LRRC3B: variants seen among roughly 807,000 people sequenced by gnomAD.
The protein encoded by LRRC3B is leucine rich repeat containing 3B.
Under a neutral mutation model 12.8 loss-of-function variants are expected in LRRC3B, and 2 were observed. The observed-to-expected ratio is 0.16, with a 90% CI of 0.06 to 0.49. The LOEUF is 0.49. LRRC3B is among the 20% of genes least tolerant of loss of function. LRRC3B has a pLI of 0.96. For missense variants in LRRC3B, 189 were observed against 319.4 expected (o/e 0.59, Z 3.11); for synonymous variants, 132 against 122.0 (o/e 1.08, Z -0.54).
chr3:26,636,452 G>T (rs902320352), intron 1 of LRRC3B, among the ~76,000 whole-genome samples: 4 of 152,174 alleles, frequency 2.6e-5, no homozygotes, highest in African/African-American at 9.6e-5. Flanking sequence ...TCCTCAAGAT[G>T]CTATTCATCT....
rs760414274 is a variant in LRRC3B at position 26,709,803 on chromosome 3, G to T, written c.131G>T (p.Gly44Val). ...AAGGGCTGTCTTTGTTCTTCCTCTG[G>T]GGGTTTAAATGTCACCTGTAGCAAT... The change falls in exon 2 of 2, where the codon GGG becomes GTG. Residue 44 changes from glycine (G) to valine (V), a missense_variant. Physicochemically the swap from Gly to Val is moderately radical, Grantham distance 109. Coordinates refer to ENST00000396641, the Ensembl canonical transcript of LRRC3B. The T allele has an allele frequency of 3.0e-5, 48 of 1,613,846 alleles. 1 individual carries two copies. In the Middle Eastern group the frequency reaches 4.9e-4, roughly 17 times the overall value.
intron 1 of LRRC3B, among the ~76,000 whole-genome samples, chr3:26,648,241 T>C (rs961353570): frequency 2.0e-5 from 3 of 152,012 alleles, no homozygotes; most frequent in Middle Eastern, 3.2e-3. Context: ...TCTCAATCCA[T>C]TATTCATGAT....
chr3:26,673,129 A>G (rs2125434264), intron 1 of LRRC3B, among the ~76,000 whole-genome samples: 1 of 152,348 alleles, frequency 6.6e-6, no homozygotes, highest in East Asian at 1.9e-4. Context: ...TGCAGTGGCA[A>G]GCAATTGTTT....
chr3:26,684,344 G>C (rs1216181279), intron 1 of LRRC3B, among the ~76,000 whole-genome samples: 1 of 152,158 alleles, frequency 6.6e-6, no homozygotes, highest in Non-Finnish European at 1.5e-5. Context: ...CAAGTTGGTT[G>C]GAAAATTATG....
At chr3:26,656,763 A>G (rs1386173686) in intron 1 of LRRC3B, among the ~76,000 whole-genome samples, 3 of 152,218 alleles carry the variant, frequency 2.0e-5, no homozygotes, top group Non-Finnish European at 2.9e-5. Flanking sequence ...TGCTCATCTG[A>G]AAATCAGAAT....
At chr3:26,709,573 C>T in exon 2 of LRRC3B, 1 of 1,198,146 alleles carries the variant, frequency 8.3e-7, no homozygotes, top group Non-Finnish European at 1.2e-6. Context: ...CCTTTTGAAA[C>T]ACGCAAGAAG....
intron 1 of LRRC3B, among the ~76,000 whole-genome samples, chr3:26,665,515 A>T (rs2125426337): frequency 6.6e-6 from 1 of 152,208 alleles, no homozygotes; most frequent in East Asian, 1.9e-4. Context: ...ACTTCAAAAT[A>T]TTGCCATCTA....
chr3:26,655,539 G>A (rs1422206388), intron 1 of LRRC3B, among the ~76,000 whole-genome samples: 1 of 152,186 alleles, frequency 6.6e-6, no homozygotes, highest in African/African-American at 2.4e-5. Context: ...AGTAAAGCCT[G>A]GTAGTGCTGA....
chr3:26,674,043 G>T (rs1057444602), intron 1 of LRRC3B, among the ~76,000 whole-genome samples: 2 of 152,186 alleles, frequency 1.3e-5, no homozygotes, highest in Non-Finnish European at 2.9e-5. Context: ...AGTCAACTTT[G>T]TGATTTAATA....
chr3:26,685,472 T>C (rs1056401096), intron 1 of LRRC3B, among the ~76,000 whole-genome samples: 1 of 139,940 alleles, frequency 7.1e-6, no homozygotes, highest in Non-Finnish European at 1.5e-5. Flanking sequence ...AACTAAGATA[T>C]GGTAGACTCT....
chr3:26,666,480 C>T (rs1381599960), intron 1 of LRRC3B, among the ~76,000 whole-genome samples: 1 of 152,026 alleles, frequency 6.6e-6, no homozygotes, highest in African/African-American at 2.4e-5. Context: ...CTACTACAAG[C>T]TCAGGGCTTT....
chr3:26,686,999 T>G (rs1449774348), intron 1 of LRRC3B, among the ~76,000 whole-genome samples: 1 of 152,158 alleles, frequency 6.6e-6, no homozygotes, highest in African/African-American at 2.4e-5. Flanking sequence ...GGGTCACTAA[T>G]TGAAAGCTCT....
intron 1 of LRRC3B, among the ~76,000 whole-genome samples, chr3:26,637,669 TA>T (rs1377893851): frequency 1.3e-5 from 2 of 152,218 alleles, no homozygotes; most frequent in African/African-American, 4.8e-5. Context: ...CTATTTTTCC[TA>T]CTATAGATCC....
intron 1 of LRRC3B, among the ~76,000 whole-genome samples, chr3:26,685,844 G>A (rs1700076983): frequency 6.6e-6 from 1 of 151,694 alleles, no homozygotes. Flanking sequence ...GGTTCAGTGG[G>A]GGCACATGCC....
chr3:26,661,427 C>T (rs1464633473), intron 1 of LRRC3B, among the ~76,000 whole-genome samples: 1 of 152,126 alleles, frequency 6.6e-6, no homozygotes, highest in East Asian at 1.9e-4. Context: ...TCCAAACCTT[C>T]TTAATATTTT....
chr3:26,644,372 C>G (rs947248187), intron 1 of LRRC3B, among the ~76,000 whole-genome samples: 2 of 152,172 alleles, frequency 1.3e-5, no homozygotes, highest in African/African-American at 4.8e-5. Context: ...GTAACTCAGC[C>G]TAAAAATTCC....
intron 1 of LRRC3B, among the ~76,000 whole-genome samples, chr3:26,650,466 T>TC (rs1031140247): frequency 6.6e-6 from 1 of 151,612 alleles, no homozygotes; most frequent in Non-Finnish European, 1.5e-5. Flanking sequence ...GTCACACAGC[T>TC]CCCCCCACCA....
At chr3:26,694,452 C>T (rs1413009239) in intron 1 of LRRC3B, 1 of 152,184 alleles carries the variant, frequency 6.6e-6, no homozygotes, top group African/African-American at 2.4e-5. Context: ...AGACACCTAA[C>T]TTTCCATAGA....
chr3:26,685,885 T>A (rs1052567335), intron 1 of LRRC3B, among the ~76,000 whole-genome samples: 1 of 152,022 alleles, frequency 6.6e-6, no homozygotes, highest in Non-Finnish European at 1.5e-5. Context: ...CTTAGTCCAG[T>A]CTCTCAGTTA....
Sources: gnomAD v4.1 joint callset for allele counts (sites outside exome capture counted in the v4.1 genomes callset) on GRCh38, gnomAD v4.1.1 for gene constraint, MANE v1.5 for transcripts, NCBI Gene and HGNC (gene_info 2026-07-23, HGNC 2026-07-21) for gene names.